Variants in NEBL observed in about 807,000 individuals in gnomAD.
The protein encoded by NEBL is nebulette, also known as LIM and SH3 protein 2.
In NEBL, 122 loss-of-function variants were observed where a neutral mutation model predicts 140.2. The ratio of observed to expected loss-of-function variants is 0.87; its 90% CI spans 0.75 to 1.01. The LOEUF is 1.01. NEBL is among the 50% of genes least tolerant of loss of function. NEBL has a pLI of 0.00. For missense variants in NEBL, 1,365 were observed against 1,231.3 expected (o/e 1.11, Z -1.62); for synonymous variants, 436 against 398.9 (o/e 1.09, Z -1.11).
At chr10:20,876,637 T>C (rs1845528306) in intron 5 of NEBL, among the ~76,000 whole-genome samples, 1 of 152,182 alleles carries the variant, frequency 6.6e-6, no homozygotes, top group Non-Finnish European at 1.5e-5. Flanking sequence ...CTAATACACA[T>C]TGAATCGACT....
chr10:21,089,500 G>A (rs1836807401), intron 2 of NEBL, among the ~76,000 whole-genome samples: 1 of 152,094 alleles, frequency 6.6e-6, no homozygotes, highest in African/African-American at 2.4e-5. Flanking sequence ...AAGAGGTGGG[G>A]GGTGACACGG....
intron 2 of NEBL, among the ~76,000 whole-genome samples, chr10:20,895,241 G>C (rs1009399821): frequency 6.6e-6 from 1 of 152,128 alleles, no homozygotes; most frequent in Non-Finnish European, 1.5e-5. Flanking sequence ...AGCTATAATT[G>C]CACTTCAATA....
At chr10:21,114,580 A>G (rs994769844) in intron 2 of NEBL, among the ~76,000 whole-genome samples, 3 of 152,114 alleles carry the variant, frequency 2.0e-5, no homozygotes, top group African/African-American at 7.2e-5. Flanking sequence ...AGGATTAGAA[A>G]CTTCAACCAC....
At chr10:20,835,479 G>C in intron 14 of NEBL, 34 bp downstream of exon 14, 1 of 1,447,480 alleles carries the variant, frequency 6.9e-7, no homozygotes, top group Non-Finnish European at 9.7e-7. Flanking sequence ...TCCAAAATAT[G>C]AGTCTTAAGG....
intron 3 of NEBL, among the ~76,000 whole-genome samples, chr10:21,225,614 A>T (rs1054455553): frequency 6.6e-6 from 1 of 151,428 alleles, no homozygotes; most frequent in Non-Finnish European, 1.5e-5. Flanking sequence ...AGTTCTTCCC[A>T]CTCTTCTCTC....
chr10:21,028,254 A>AGAAGAAGAAGAAGAAGAAGAAGGAG (rs1554819369), intron 2 of NEBL, among the ~76,000 whole-genome samples: 1 of 70,332 alleles, frequency 1.4e-5, no homozygotes, highest in Non-Finnish European at 2.7e-5. Flanking sequence ...AAAAAAAAAA[A>AGAAGAAGAAGAAGAAGAAGAAGGAG]AAGAAGAAGA....
At chr10:20,934,129 T>C (rs1357784485) in intron 4 of NEBL, among the ~76,000 whole-genome samples, 2 of 152,180 alleles carry the variant, frequency 1.3e-5, no homozygotes, top group Admixed American at 6.5e-5. Flanking sequence ...CAGACTGGAC[T>C]TTAGTCTCAT....
At chr10:20,831,802 G>C (rs533750279) in intron 14 of NEBL, among the ~76,000 whole-genome samples, 2 of 151,976 alleles carry the variant, frequency 1.3e-5, no homozygotes, top group East Asian at 3.9e-4. Context: ...CAGCTAATCT[G>C]AATTAAGAAG....
intron 4 of NEBL, among the ~76,000 whole-genome samples, chr10:20,887,178 T>C (rs1461458311): frequency 6.6e-6 from 1 of 152,088 alleles, no homozygotes; most frequent in Non-Finnish European, 1.5e-5. Flanking sequence ...TATGTGTTGA[T>C]ATGCTACAAA....
At chr10:20,912,960 C>T (rs1848392296) in intron 4 of NEBL, among the ~76,000 whole-genome samples, 1 of 148,966 alleles carries the variant, frequency 6.7e-6, no homozygotes, top group African/African-American at 2.5e-5. Flanking sequence ...CAGGGTCTCA[C>T]TATGTTGCCC....
At chr10:20,851,964 C>A (rs1036977682) in intron 10 of NEBL, among the ~76,000 whole-genome samples, 1 of 141,278 alleles carries the variant, frequency 7.1e-6, no homozygotes, top group African/African-American at 2.6e-5. Context: ...AATATTTTAT[C>A]TTAACAGATG....
At chr10:20,925,207 T>C (rs1281542092) in intron 4 of NEBL, among the ~76,000 whole-genome samples, 1 of 152,208 alleles carries the variant, frequency 6.6e-6, no homozygotes, top group Non-Finnish European at 1.5e-5. Context: ...TATATGCATG[T>C]ATCATCTTTC....
intron 2 of NEBL, among the ~76,000 whole-genome samples, chr10:21,076,974 A>C (rs980300013): frequency 6.6e-6 from 1 of 152,160 alleles, no homozygotes; most frequent in Admixed American, 6.5e-5. Context: ...AGTTCTAGAA[A>C]CATACATTTG....
At chr10:21,015,140 T>C (rs1838503144) in intron 3 of NEBL, among the ~76,000 whole-genome samples, 1 of 152,204 alleles carries the variant, frequency 6.6e-6, no homozygotes, top group Non-Finnish European at 1.5e-5. Context: ...GCAGTAGCTA[T>C]TGTTTTGTCT....
intron 2 of NEBL, among the ~76,000 whole-genome samples, chr10:21,161,346 T>C (rs1394356967): frequency 6.6e-6 from 1 of 152,092 alleles, no homozygotes; most frequent in African/African-American, 2.4e-5. Context: ...TTCCTTCTCA[T>C]TGAGTCAGCT....
intron 5 of NEBL, among the ~76,000 whole-genome samples, chr10:20,872,228 A>G (rs1039082139): frequency 6.6e-6 from 1 of 152,152 alleles, no homozygotes; most frequent in Non-Finnish European, 1.5e-5. Flanking sequence ...CCCATCATCC[A>G]TGTAAATTGC....
chr10:20,971,842 T>C (rs1488773111), intron 3 of NEBL, among the ~76,000 whole-genome samples: 1 of 152,054 alleles, frequency 6.6e-6, no homozygotes, highest in African/African-American at 2.4e-5. Context: ...CTCGATCTCC[T>C]GACCTCGTGA....
chr10:21,289,791 A>C (rs891858805), intron 1 of NEBL, among the ~76,000 whole-genome samples: 1 of 152,192 alleles, frequency 6.6e-6, no homozygotes, highest in Non-Finnish European at 1.5e-5. Flanking sequence ...CTGAGGCTAG[A>C]TAGTGGGTCA....
At chr10:20,945,093 T>C (rs529440908) in intron 4 of NEBL, among the ~76,000 whole-genome samples, 1 of 152,356 alleles carries the variant, frequency 6.6e-6, no homozygotes, top group East Asian at 1.9e-4. Context: ...TATTTGCAGC[T>C]CATTAAACAC....
Sources: allele counts gnomAD v4.1 joint callset (sites outside exome capture counted in the v4.1 genomes callset), GRCh38; gene constraint gnomAD v4.1.1; transcripts MANE v1.5; gene names NCBI Gene and HGNC (gene_info 2026-07-23, HGNC 2026-07-21).